The following PRKCZ variants were observed in gnomAD, a reference collection of about 807,000 sequenced individuals.
The protein encoded by PRKCZ is protein kinase C zeta type.
Under a neutral mutation model 79.5 loss-of-function variants are expected in PRKCZ, and 33 were observed. The observed-to-expected ratio is 0.41, with a 90% confidence interval of 0.31 to 0.55. PRKCZ has a LOEUF of 0.55. PRKCZ is among the 20% of genes least tolerant of loss of function. The pLI, the probability that PRKCZ is intolerant of heterozygous loss-of-function variation, is 0.19. For missense variants in PRKCZ, 578 were observed against 813.5 expected (o/e 0.71, Z 3.52); for synonymous variants, 342 against 320.9 (o/e 1.07, Z -0.70).
intron 10 of PRKCZ, among the ~76,000 whole-genome samples, chr1:2,160,351 C>T (rs1681992842): frequency 6.6e-6 from 1 of 152,026 alleles, no homozygotes; most frequent in African/African-American, 2.4e-5. Context: ...GTCCCTGGAA[C>T]TGGTCACCAG....
intron 4 of PRKCZ, chr1:2,071,352 G>A (rs750927629): frequency 7.9e-5 from 37 of 467,524 alleles, no homozygotes; most frequent in East Asian, 4.7e-4. Flanking sequence ...AGGCCCCGGC[G>A]GCGTCTGAGA....
rs1557612311 is a variant in PRKCZ, at chr1:2,121,614, ATGGTGGTGGT to A, written c.335-13646_335-13637del. Reference sequence around the variant, plus strand: ...TAAGGTCACAGCAGTAATTAGGGTCATGGTGGTGGTTAGGGTCACAGTGGTAGTTAGGGTC... The same window carrying A: ...TAAGGTCACAGCAGTAATTAGGGTCATAGGGTCACAGTGGTAGTTAGGGTC... On this transcript the variant is annotated intron_variant, in intron 4 of 17. Coordinates refer to ENST00000378567, the MANE Select transcript of PRKCZ (RefSeq NM_002744.6). 2.9e-4 allele frequency among the ~76,000 whole-genome samples: 33 copies of A among 112,378 alleles called. 4 individuals carry two copies. The highest frequency in any genetic ancestry group is 8.3e-4 in the African/African-American group (28 of 33,702). The allele number at this position is 112,378 out of a possible 152,430, so 73.7% of individuals were successfully genotyped here.
intron 4 of PRKCZ, among the ~76,000 whole-genome samples, chr1:2,070,837 G>GTCCC (rs1661512979): frequency 6.6e-6 from 1 of 152,114 alleles, no homozygotes; most frequent in Admixed American, 6.5e-5. Context: ...AAGGGGAAGG[G>GTCCC]GCTCTTGAGG....
At chr1:2,062,614 C>T (rs890539705) in intron 4 of PRKCZ, among the ~76,000 whole-genome samples, 3 of 151,672 alleles carry the variant, frequency 2.0e-5, no homozygotes, top group Admixed American at 1.3e-4. Flanking sequence ...CTCAGCCTCC[C>T]GAGTAGCTGG....
intron 4 of PRKCZ, among the ~76,000 whole-genome samples, chr1:2,132,990 A>C (rs34415348): frequency 0.074 from 11,257 of 152,248 alleles, 589 homozygotes; most frequent in Middle Eastern, 0.14. Flanking sequence ...GGGACACTTC[A>C]GTTCGTCCCG....
At position 2,125,906 on chromosome 1, in the gene PRKCZ, T is replaced by A. The variant is rs1041337970; in HGVS notation, c.335-9356T>A. On this transcript the variant is annotated intron_variant, in intron 4 of 17. Coordinates refer to ENST00000378567, the MANE Select transcript of PRKCZ (RefSeq NM_002744.6). This position sits in a 1 kb window ranked among gnomAD's most constrained non-coding sequence, Gnocchi z 4.2. ...CCAACATGCAGCACTTCCCTTCCTT[T>A]CCATGGAGCACGGTTCCTGTCCCGG... Among the ~76,000 whole-genome samples, 1 of 152,058 alleles carries A rather than the reference T, an allele frequency of 6.6e-6. No individual in the cohort carries two copies. Among genetic ancestry groups the A allele is most frequent in the Admixed American group, 6.5e-5 (1 of 15,274 alleles).
chr1:2,171,105 C>T (rs1278332066), intron 11 of PRKCZ, among the ~76,000 whole-genome samples: 11 of 151,996 alleles, frequency 7.2e-5, no homozygotes, highest in Admixed American at 1.3e-4. Context: ...CCAAGGCGGG[C>T]GGATCACGAG....
intron 1 of PRKCZ, 123 bp from the exon 2 acceptor site, chr1:2,055,318 G>T: frequency 8.1e-7 from 1 of 1,239,234 alleles, no homozygotes; most frequent in Non-Finnish European, 1.1e-6. Context: ...GGGTGGGGCT[G>T]TCATATTGTC....
intron 9 of PRKCZ, among the ~76,000 whole-genome samples, chr1:2,152,722 G>C (rs566450331): frequency 6.6e-6 from 1 of 152,160 alleles, no homozygotes; most frequent in Non-Finnish European, 1.5e-5. Context: ...CTTCCTCTGC[G>C]GACTTCCGTC....
chr1:2,085,597 G>C (rs559255893), intron 4 of PRKCZ, among the ~76,000 whole-genome samples: 430 of 152,228 alleles, frequency 2.8e-3, no homozygotes, highest in African/African-American at 9.8e-3. Flanking sequence ...GATATGGGGG[G>C]CCCTGTTCTC....
chr1:2,162,843 T>C lies in PRKCZ; in HGVS notation c.975-6675T>C, dbSNP rs554348038. Among the ~76,000 whole-genome samples the C allele has an allele frequency of 4.6e-5, 7 of 152,356 alleles. 1 individual carries two copies. In the South Asian group the frequency reaches 1.4e-3, roughly 32 times the overall value. On this transcript the variant is annotated intron_variant, in intron 10 of 17. Coordinates refer to ENST00000378567, the MANE Select transcript of PRKCZ (RefSeq NM_002744.6). ...TCAGAGCATCCAGCAGCAGGCAGCT[T>C]GGTCTCTGCGTGGTAACTGTGGGCC...
chr1:2,111,112 T>TG (rs1468642720), intron 4 of PRKCZ, among the ~76,000 whole-genome samples: 1 of 151,802 alleles, frequency 6.6e-6, no homozygotes, highest in Non-Finnish European at 1.5e-5. Context: ...CCATGGGTAT[T>TG]GCGGCAGGGA....
intron 5 of PRKCZ, chr1:2,142,114 A>G (rs643076): frequency 0.56 from 28,108 of 50,578 alleles, 9,443 homozygotes; most frequent in African/African-American, 0.86. Flanking sequence ...CACACATCCA[A>G]CAGCCGAAGC....
intron 6 of PRKCZ, chr1:2,144,678 C>A: frequency 2.8e-6 from 3 of 1,066,624 alleles, no homozygotes; most frequent in Non-Finnish European, 3.5e-6. Flanking sequence ...GAGGTGAAAG[C>A]CAGGTCTGAC....
chr1:2,175,139 G>A, intron 15 of PRKCZ, 85 bp from the exon 16 acceptor site: 1 of 1,183,486 alleles, frequency 8.4e-7, no homozygotes, highest in Non-Finnish European at 1.3e-6. Flanking sequence ...GGGCTTGTCA[G>A]CACTGGGAGT....
At chr1:2,164,214 C>G (rs1054569322) in intron 10 of PRKCZ, among the ~76,000 whole-genome samples, 1 of 151,996 alleles carries the variant, frequency 6.6e-6, no homozygotes, top group Non-Finnish European at 1.5e-5. Context: ...TCAAGGGAGA[C>G]ACAGGATGGA....
intron 10 of PRKCZ, among the ~76,000 whole-genome samples, chr1:2,156,938 A>G (rs147227531): frequency 3.3e-5 from 5 of 152,190 alleles, no homozygotes; most frequent in African/African-American, 1.2e-4. Context: ...GTGTGTGTGT[A>G]AAGAGATTTA....
chr1:2,067,237 G>A (rs573706531), intron 4 of PRKCZ, among the ~76,000 whole-genome samples: 6 of 152,312 alleles, frequency 3.9e-5, no homozygotes, highest in Non-Finnish European at 7.4e-5. Context: ...GTGTGCAGCC[G>A]CTGTGGGTAC....
chr1:2,107,651 G>A (rs977777599), intron 4 of PRKCZ, among the ~76,000 whole-genome samples: 8 of 152,206 alleles, frequency 5.3e-5, no homozygotes, highest in Admixed American at 2.6e-4. Context: ...GCGAGGTGCA[G>A]GCCTTCTTTT....
Sources: gnomAD v4.1 joint callset for allele counts (sites outside exome capture counted in the v4.1 genomes callset) on GRCh38, gnomAD v4.1.1 for gene constraint, Gnocchi (gnomAD v3.1) non-coding constraint, MANE v1.5 for transcripts, NCBI Gene and HGNC (gene_info 2026-07-23, HGNC 2026-07-21) for gene names.